The following ADPRHL1 variants were observed in gnomAD, a reference collection of about 807,000 sequenced individuals.
ADPRHL1 encodes ADP-ribosylhydrolase like 1, also known as inactive ADP-ribosyltransferase ARH2.
Under a neutral mutation model 44.1 loss-of-function variants are expected in ADPRHL1, and 43 were observed. The observed-to-expected ratio is 0.98, with a 90% CI of 0.76 to 1.26. The LOEUF (loss-of-function observed/expected upper bound fraction) is 1.26, where lower values mean the gene tolerates loss of function less well. Ranked by LOEUF, ADPRHL1 falls within the 50% of genes most tolerant of loss-of-function variation. The probability of loss-of-function intolerance (pLI) is 0.00; values close to 1 mark genes in which losing one functional copy is unlikely to be tolerated. For synonymous variants in ADPRHL1, 878 were observed against 1,017.4 expected (o/e 0.86, Z 2.61); for missense variants, 2,022 against 2,496.9 (o/e 0.81, Z 4.05).
Position 113,407,924 on chromosome 13 carries a change from C to T in ADPRHL1, c.1358G>A (p.Arg453Gln), listed in dbSNP as rs765948326. 110 of 1,231,834 alleles carry T rather than the reference C, an allele frequency of 8.9e-5. No individual in the cohort carries two copies. Among genetic ancestry groups the T allele is most frequent in the South Asian group, 7.4e-4 (18 of 24,332 alleles). 76.3% of individuals were successfully genotyped at this position (1,231,834 alleles called of 1,614,324 possible). A position where few individuals can be genotyped will look rare whatever the true frequency, so the allele number is the denominator to read the frequency against. Reference protein sequence around the residue: ...RYLKRTREVGRLISKDKQGPG... With the variant: ...RYLKRTREVGQLISKDKQGPG... ...CCCCTGCTTGTCCTTGGAGATCAGC[C>T]GGCCCACCTCCCTGGTCCTCTTGAG... The change falls in exon 8 of 8, where the codon CGG becomes CAG. Residue 453 changes from arginine to glutamine, a missense_variant. This residue lies in a region of ADPRHL1 where 1,221 missense variants were observed against 1,517.8 expected (regional missense o/e 0.80). Transcript: ENST00000612156.
Position 113,406,633 on chromosome 13 carries a change from G to A in ADPRHL1, c.2649C>T (p.His883=). 8.1e-7 allele frequency: 1 copy of A among 1,231,130 alleles called. No homozygotes were observed. Among genetic ancestry groups the A allele is most frequent in the Non-Finnish European group, 1.0e-6 (1 of 987,832 alleles). 76.3% of individuals were successfully genotyped at this position (1,231,130 alleles called of 1,614,324 possible). A position where few individuals can be genotyped will look rare whatever the true frequency, so the allele number is the denominator to read the frequency against. ...CGGENVVENA[H]TEFPTVTENR... is the part of the protein sequence containing the mutation. ...TCTCAGTCACGGTGGGAAATTCTGT[G>A]TGGGCATTTTCAACCACATTCTCTC... The change falls in exon 8 of 8, where the codon CAC becomes CAT. Residue 883 remains histidine (H), a synonymous_variant. Transcript: ENST00000612156.
intron 7 of ADPRHL1, among the ~76,000 whole-genome samples, chr13:113,412,719 GTTCACCCACCGCC>G (rs1296470102): frequency 5.3e-5 from 8 of 151,262 alleles, no homozygotes; most frequent in African/African-American, 1.7e-4. Flanking sequence ...CGGAGGCTCA[GTTCACCCACCGCC>G]AACAGTGCCC....
chr13:113,414,376 G>C (rs1008480774), intron 7 of ADPRHL1, among the ~76,000 whole-genome samples: 64 of 152,000 alleles, frequency 4.2e-4, no homozygotes, highest in Non-Finnish European at 7.9e-4. Context: ...GATGAGCCTG[G>C]AGCCGCCCCC....
At chr13:113,429,218 A>G in intron 3 of ADPRHL1, 126 bp from the exon 4 acceptor site, 1 of 1,304,422 alleles carries the variant, frequency 7.7e-7, no homozygotes, top group Non-Finnish European at 1.1e-6. Context: ...TCCCATGTTC[A>G]GGTGCACAGT....
chr13:113,436,975 A>G (rs71449016), intron 2 of ADPRHL1, among the ~76,000 whole-genome samples: 1,044 of 38,512 alleles, frequency 0.027, 2 homozygotes, highest in East Asian at 0.038. Flanking sequence ...GAACATAGGT[A>G]TACCCCGGGA....
chr13:113,432,992 C>T (rs2044017748), intron 3 of ADPRHL1, among the ~76,000 whole-genome samples: 2 of 152,186 alleles, frequency 1.3e-5, no homozygotes, highest in African/African-American at 4.8e-5. Context: ...CTCTCAGAGG[C>T]CTGCCCTCCA....
chr13:113,442,571 G>A (rs1292366479), intron 2 of ADPRHL1, among the ~76,000 whole-genome samples: 1 of 152,164 alleles, frequency 6.6e-6, no homozygotes, highest in Non-Finnish European at 1.5e-5. Context: ...TGCTGTCATT[G>A]TTACTGTTGC....
chr13:113,415,885 T>C (rs1240576862), intron 7 of ADPRHL1, among the ~76,000 whole-genome samples: 1 of 152,046 alleles, frequency 6.6e-6, no homozygotes, highest in Non-Finnish European at 1.5e-5. Context: ...AATCTATACT[T>C]GATCTTAGCC....
chr13:113,414,948 C>T (rs1451248724), intron 7 of ADPRHL1, among the ~76,000 whole-genome samples: 3 of 152,200 alleles, frequency 2.0e-5, no homozygotes, highest in African/African-American at 7.2e-5. Context: ...GCTGGGATTA[C>T]AGGCATGAGC....
Position 113,450,518 on chromosome 13 carries a change from G to A in ADPRHL1, c.214+2706C>T, listed in dbSNP as rs1183991572. On this transcript the variant is annotated intron_variant, in intron 1 of 7. Transcript: ENST00000612156. The stretch of plus-strand genomic sequence containing the variant: ...ATGCACGGAGACCGGTAGTGGCCCC[G>A]AATGTCTGGCTGCACTGTTATTTAT... Among the ~76,000 whole-genome samples, 7 of 152,096 alleles carry A rather than the reference G, an allele frequency of 4.6e-5. No homozygotes were observed. In the South Asian group the frequency reaches 8.3e-4, roughly 18 times the overall value.
At chr13:113,431,306 TG>T (rs1351686131) in intron 3 of ADPRHL1, among the ~76,000 whole-genome samples, 1 of 152,248 alleles carries the variant, frequency 6.6e-6, no homozygotes, top group African/African-American at 2.4e-5. Flanking sequence ...GGAGCATGGT[TG>T]CCCGTGACAC....
intron 1 of ADPRHL1, among the ~76,000 whole-genome samples, chr13:113,445,038 CCTT>C (rs1442265597): frequency 6.6e-6 from 1 of 152,186 alleles, no homozygotes; most frequent in South Asian, 2.1e-4. Flanking sequence ...AGCTCCAGCT[CCTT>C]CTTCTCTTGC....
At chr13:113,448,984 G>T in intron 1 of ADPRHL1, 2 of 985,850 alleles carry the variant, frequency 2.0e-6, no homozygotes, top group Non-Finnish European at 2.4e-6. Flanking sequence ...CCCCAGGCCT[G>T]GCACACACAC....
intron 1 of ADPRHL1, chr13:113,448,982 C>T (rs559838575): frequency 2.0e-6 from 2 of 985,814 alleles, no homozygotes; most frequent in South Asian, 4.7e-5. Flanking sequence ...CTCCCCAGGC[C>T]TGGCACACAC....
chr13:113,425,234 G>A, intron 4 of ADPRHL1, 55 bp from the exon 5 acceptor site: 1 of 1,512,976 alleles, frequency 6.6e-7, no homozygotes, highest in Non-Finnish European at 8.9e-7. Flanking sequence ...GAGTGGGGCG[G>A]GTGCAGGGAG....
At chr13:113,417,280 C>T (rs1483502085) in intron 7 of ADPRHL1, among the ~76,000 whole-genome samples, 2 of 152,192 alleles carry the variant, frequency 1.3e-5, no homozygotes, top group African/African-American at 2.4e-5. Flanking sequence ...GGCCCCAGGT[C>T]GTGCAGCCTG....
At chr13:113,433,954 T>G in intron 2 of ADPRHL1, 87 bp from the exon 3 acceptor site, 1 of 1,434,888 alleles carries the variant, frequency 7.0e-7, no homozygotes, top group Non-Finnish European at 9.2e-7. Context: ...ATTTTAAAAG[T>G]AGAAAAATTT....
chr13:113,437,252 A>G (rs545600894), intron 2 of ADPRHL1, among the ~76,000 whole-genome samples: 72 of 85,288 alleles, frequency 8.4e-4, no homozygotes, highest in East Asian at 2.3e-3. Flanking sequence ...GCACCCACAC[A>G]TAGAGTGAAC....
intron 1 of ADPRHL1, among the ~76,000 whole-genome samples, chr13:113,447,482 T>G (rs2139652578): frequency 6.6e-6 from 1 of 151,686 alleles, no homozygotes; most frequent in East Asian, 1.9e-4. Flanking sequence ...CACGGTGTTG[T>G]GTGTGCATGG....
Sources: gnomAD v4.1 joint callset for allele counts (sites outside exome capture counted in the v4.1 genomes callset) on GRCh38, gnomAD v4.1.1 for gene constraint, gnomAD v4.1.1 regional missense constraint, MANE v1.5 for transcripts, NCBI Gene and HGNC (gene_info 2026-07-23, HGNC 2026-07-21) for gene names.